CHL1: variants seen among roughly 807,000 people sequenced by gnomAD.
CHL1 encodes cell adhesion molecule L1 like.
A neutral mutation model predicts 141.9 loss-of-function variants in CHL1; 96 were observed. That is an observed-to-expected ratio of 0.68 (90% CI 0.57 to 0.80). The LOEUF (loss-of-function observed/expected upper bound fraction) is 0.80. Ranked by LOEUF, CHL1 falls within the 30% of genes least tolerant of loss-of-function variation. The probability of loss-of-function intolerance (pLI) is 0.00; values close to 1 mark genes in which losing one functional copy is unlikely to be tolerated. For synonymous variants in CHL1, 613 were observed against 502.2 expected (o/e 1.22, Z -2.95); for missense variants, 1,820 against 1,457.2 (o/e 1.25, Z -4.05).
rs1373756516 is a variant in CHL1, at chr3:405,602, G to C, written c.3566G>C (p.Gly1189Ala). 7 of 1,613,456 alleles carry C rather than the reference G, an allele frequency of 4.3e-6. No individual in the cohort carries two copies. Among genetic ancestry groups the C allele is most frequent in the Middle Eastern group, 1.7e-4 (1 of 6,054 alleles). The change falls in exon 28 of 28, where the codon GGT (glycine) becomes GCT (alanine). Residue 1189 changes from glycine (G) to alanine (A), a missense_variant. Physicochemically the swap from Gly to Ala is moderately conservative, Grantham distance 60. Coordinates refer to ENST00000256509, the MANE Select transcript of CHL1 (RefSeq NM_006614.4). The stretch of plus-strand genomic sequence containing the variant: ...GTCGAATACGGAGAGGGAGACCATG[G>C]TCTCTTCAGTGAAGATGGATCATTT... ...SLVEYGEGDH[G>A]LFSEDGSFIG... is the part of the protein sequence containing the mutation.
At position 406,587 on chromosome 3, in the gene CHL1, A is replaced by G. The variant is rs1289439268; in HGVS notation, c.*876A>G. On this transcript the variant is annotated 3_prime_UTR_variant, in exon 28 of 28. Transcript: ENST00000256509. ...TGTTTATATAATGGTATGCTTGCAT[A>G]TATTTCATGAATACATTGTACATAT... 1.3e-5 allele frequency: 2 copies of G among 152,108 alleles called. No individual in the cohort carries two copies. Among genetic ancestry groups the G allele is most frequent in the Non-Finnish European group, 1.5e-5 (1 of 68,018 alleles). The allele number at this position is 152,108 out of a possible 1,614,324, so 9.4% of individuals were successfully genotyped here.
chr3:220,540 G>A (rs1700742540), intron 1 of CHL1, among the ~76,000 whole-genome samples: 1 of 151,936 alleles, frequency 6.6e-6, no homozygotes, highest in South Asian at 2.1e-4. Flanking sequence ...AAAGGTCCAT[G>A]CATAATTTTT....
At chr3:343,272 C>T (rs1702484989) in intron 8 of CHL1, among the ~76,000 whole-genome samples, 1 of 151,886 alleles carries the variant, frequency 6.6e-6, no homozygotes, top group South Asian at 2.1e-4. Context: ...ATTGAATAGA[C>T]AGATAGAGAT....
chr3:376,725 A>G (rs1403699677), intron 15 of CHL1, among the ~76,000 whole-genome samples: 1 of 152,210 alleles, frequency 6.6e-6, no homozygotes, highest in African/African-American at 2.4e-5. Flanking sequence ...CAGGATATGC[A>G]GTATTCTAAT....
intron 24 of CHL1, among the ~76,000 whole-genome samples, 171 bp from the exon 25 acceptor site, chr3:398,028 GTTCATTTCATTTACTCAATTTCATTATA>G: frequency 6.6e-6 from 1 of 152,112 alleles, no homozygotes; most frequent in Non-Finnish European, 1.5e-5. Flanking sequence ...CATGCATTGA[GTTCATTTCATTTACTCAATTTCATTATA>G]TTAAAAAAGA....
chr3:352,412 T>C (rs1028606567), intron 10 of CHL1, among the ~76,000 whole-genome samples: 6 of 152,202 alleles, frequency 3.9e-5, no homozygotes, highest in Non-Finnish European at 7.4e-5. Flanking sequence ...GCTTAATATA[T>C]AGTCCCAATG....
At chr3:297,873 G>A (rs1402592018) in intron 2 of CHL1, among the ~76,000 whole-genome samples, 3 of 152,186 alleles carry the variant, frequency 2.0e-5, no homozygotes, top group African/African-American at 7.2e-5. Flanking sequence ...CCTGATGCAG[G>A]AAATGTTATC....
chr3:356,553 A>G (rs550486454), intron 11 of CHL1, among the ~76,000 whole-genome samples: 5 of 152,328 alleles, frequency 3.3e-5, no homozygotes, highest in Middle Eastern at 6.8e-3. Flanking sequence ...AAAGCAGAAA[A>G]TAGCTGGGTA....
Position 409,301 on chromosome 3 carries a change from T to G in CHL1, c.*3590T>G, listed in dbSNP as rs571222476. ...TCATAGTAGAACTTTATAAAACGTG[T>G]TTGTATTGTAGGTGGTGTTTGTATT... On this transcript the variant is annotated 3_prime_UTR_variant, in exon 28 of 28. Transcript: ENST00000256509. 2 of 152,080 alleles carry G rather than the reference T, an allele frequency of 1.3e-5. No homozygotes were observed. The highest frequency in any genetic ancestry group is 3.9e-4 in the East Asian group (2 of 5,194). The allele number at this position is 152,080 out of a possible 1,614,324, so 9.4% of individuals were successfully genotyped here.
chr3:277,617 A>G (rs1430264503), intron 2 of CHL1, among the ~76,000 whole-genome samples: 1 of 152,210 alleles, frequency 6.6e-6, no homozygotes, highest in East Asian at 1.9e-4. Context: ...ATACTGGAAA[A>G]AAATGCAAAA....
At chr3:366,200 C>A in intron 15 of CHL1, 85 bp downstream of exon 15, 1 of 1,290,570 alleles carries the variant, frequency 7.7e-7, no homozygotes, top group Non-Finnish European at 1.1e-6. Flanking sequence ...GTCGGGCATG[C>A]TGACTCACGC....
chr3:359,552 C>T (rs1704024472), intron 11 of CHL1, among the ~76,000 whole-genome samples: 1 of 152,148 alleles, frequency 6.6e-6, no homozygotes, highest in East Asian at 1.9e-4. Flanking sequence ...ATCCATCTGC[C>T]TCAGCCTCCC....
At chr3:252,627 C>A (rs963432271) in intron 2 of CHL1, among the ~76,000 whole-genome samples, 65 of 151,624 alleles carry the variant, frequency 4.3e-4, no homozygotes, top group African/African-American at 1.5e-3. Flanking sequence ...TATCTCATAT[C>A]TTCTAACTTC....
chr3:377,670 T>C lies in CHL1; in HGVS notation c.1752-148T>C, dbSNP rs150066820. The C allele has an allele frequency of 6.6e-3, 4,055 of 615,778 alleles. 27 individuals are homozygous for C. The highest frequency in any genetic ancestry group is 8.5e-3 in the Non-Finnish European group (3,138 of 367,218). The allele number at this position is 615,778 out of a possible 1,614,324, so 38.1% of individuals were successfully genotyped here. ...ATTCTTTATCTCCAGGTTTCAACTGTGGCATTCTCTAATCAAATTTGCATT... is the reference window on the plus strand; with the variant it reads ...ATTCTTTATCTCCAGGTTTCAACTGCGGCATTCTCTAATCAAATTTGCATT... On this transcript the variant is annotated intron_variant, in intron 15 of 27. Transcript: ENST00000256509.
intron 11 of CHL1, 63 bp downstream of exon 11, chr3:354,834 G>T: frequency 1.3e-6 from 2 of 1,580,058 alleles, no homozygotes; most frequent in Non-Finnish European, 1.7e-6. Context: ...ATTAATGATG[G>T]TCAGACGTGT....
chr3:325,119 G>T (rs2125064311), intron 3 of CHL1, among the ~76,000 whole-genome samples: 1 of 141,858 alleles, frequency 7.0e-6, no homozygotes, highest in East Asian at 2.1e-4. Context: ...CATAAATGAG[G>T]AATAACAAAC....
chr3:362,863 T>C (rs189887661), intron 13 of CHL1, among the ~76,000 whole-genome samples: 34 of 152,354 alleles, frequency 2.2e-4, no homozygotes, highest in East Asian at 1.2e-3. Flanking sequence ...TTTCAATTAC[T>C]AGCTTTCCCA....
intron 5 of CHL1, among the ~76,000 whole-genome samples, chr3:333,854 A>T (rs1701652822): frequency 6.6e-6 from 1 of 152,344 alleles, no homozygotes; most frequent in South Asian, 2.1e-4. Context: ...TACTACTCAC[A>T]CTTCAGTGCA....
intron 22 of CHL1, 140 bp from the exon 23 acceptor site, chr3:391,535 A>G: frequency 3.2e-6 from 2 of 628,514 alleles, no homozygotes; most frequent in Non-Finnish European, 5.4e-6. Flanking sequence ...AAATAAATAA[A>G]CATTATTCCT....
Sources: gnomAD v4.1 joint callset for allele counts (sites outside exome capture counted in the v4.1 genomes callset) on GRCh38, gnomAD v4.1.1 for gene constraint, MANE v1.5 for transcripts, NCBI Gene and HGNC (gene_info 2026-07-23, HGNC 2026-07-21) for gene names.